GRIK1: variants seen among roughly 807,000 people sequenced by gnomAD.
The protein encoded by GRIK1 is glutamate receptor ionotropic, kainate 1.
Under a neutral mutation model 105.7 loss-of-function variants are expected in GRIK1, and 69 were observed. That is an observed-to-expected ratio of 0.65 (90% CI 0.54 to 0.80). GRIK1 has a LOEUF of 0.80. Among genes scored for constraint, GRIK1 ranks in the 30% least tolerant of loss-of-function variants. The probability of loss-of-function intolerance (pLI) is 0.00; values close to 1 mark genes in which losing one functional copy is unlikely to be tolerated. For synonymous variants in GRIK1, 438 were observed against 431.3 expected, an observed-to-expected ratio of 1.02 and a Z score of -0.19; for missense variants, 1,109 against 1,167.3, an observed-to-expected ratio of 0.95 and a Z score of 0.73.
At chr21:29,643,743 A>G (rs1465775408) in intron 6 of GRIK1, among the ~76,000 whole-genome samples, 1 of 152,212 alleles carries the variant, frequency 6.6e-6, no homozygotes, top group Non-Finnish European at 1.5e-5. Context: ...TAGGGATAAA[A>G]TCTTATAATA....
chr21:29,765,769 G>A (rs1038849639), intron 1 of GRIK1, among the ~76,000 whole-genome samples: 1 of 152,078 alleles, frequency 6.6e-6, no homozygotes, highest in African/African-American at 2.4e-5. Flanking sequence ...GTCCACCTGT[G>A]AGAGCCAGGA....
At chr21:29,730,334 A>C (rs1399836529) in intron 1 of GRIK1, among the ~76,000 whole-genome samples, 1 of 152,208 alleles carries the variant, frequency 6.6e-6, no homozygotes, top group African/African-American at 2.4e-5. Context: ...TAGAATATGC[A>C]TGCAAAACAG....
chr21:29,915,276 T>G (rs2070956633), intron 1 of GRIK1, among the ~76,000 whole-genome samples: 1 of 152,008 alleles, frequency 6.6e-6, no homozygotes. Flanking sequence ...CAGAGCTGAC[T>G]GAATACACTA....
At chr21:29,753,877 T>C (rs1335177220) in intron 1 of GRIK1, among the ~76,000 whole-genome samples, 1 of 152,118 alleles carries the variant, frequency 6.6e-6, no homozygotes, top group African/African-American at 2.4e-5. Flanking sequence ...ATATATAATA[T>C]ATAGTTATGT....
chr21:29,894,178 A>T (rs939085719), intron 1 of GRIK1, among the ~76,000 whole-genome samples: 1 of 152,032 alleles, frequency 6.6e-6, no homozygotes, highest in African/African-American at 2.4e-5. Flanking sequence ...TATGAGATGG[A>T]GTTTATTAAG....
Position 29,848,779 on chromosome 21 carries a change from A to ATATATATATATATATATATATATAT in GRIK1, c.118+90603_118+90604insATATATATATATATATATATATATA. Among the ~76,000 whole-genome samples the ATATATATATATATATATATATATAT allele has an allele frequency of 1.3e-4, 10 of 77,858 alleles. 1 individual carries two copies. The highest frequency in any genetic ancestry group is 5.3e-4 in the African/African-American group (9 of 17,124). 51.1% of individuals were successfully genotyped at this position (77,858 alleles called of 152,430 possible). A position where few individuals can be genotyped will look rare whatever the true frequency, so the allele number is the denominator to read the frequency against. On this transcript the variant is annotated intron_variant, in intron 1 of 17. Transcript: ENST00000327783. ...TGTATATATATATATATATATATAT[A>ATATATATATATATATATATATATAT]TTTTTTTTTTTTTCCACGATCTTCA...
At chr21:29,807,748 C>T (rs1244318918) in intron 1 of GRIK1, among the ~76,000 whole-genome samples, 1 of 152,074 alleles carries the variant, frequency 6.6e-6, no homozygotes, top group East Asian at 1.9e-4. Context: ...TTCATAGAAC[C>T]AGACCCAGCC....
intron 1 of GRIK1, among the ~76,000 whole-genome samples, chr21:29,783,071 C>T (rs893196387): frequency 6.6e-6 from 1 of 152,166 alleles, no homozygotes; most frequent in Admixed American, 6.5e-5. Flanking sequence ...TCCATTTCTT[C>T]CCATTCTTGA....
rs138733559 is a variant in GRIK1 at position 29,865,190 on chromosome 21, C to G, written c.118+74193G>C. ...TAGGTGAGTCAAATAATATTTTAGA[C>G]ATAATGTTATAGTAGCACCATGATT... On this transcript the variant is annotated intron_variant, in intron 1 of 17. Transcript: ENST00000327783. Among the ~76,000 whole-genome samples the G allele has an allele frequency of 2.0e-4, 30 of 152,250 alleles. 1 individual carries two copies. Among genetic ancestry groups the G allele is most frequent in the African/African-American group, 7.2e-4 (30 of 41,550 alleles).
intron 1 of GRIK1, among the ~76,000 whole-genome samples, chr21:29,781,832 G>T (rs1315480522): frequency 6.7e-6 from 1 of 148,810 alleles, no homozygotes; most frequent in Non-Finnish European, 1.5e-5. Context: ...CACCGCGCCC[G>T]GCTAATTTTT....
At chr21:29,573,280 C>T (rs2090799949) in intron 14 of GRIK1, among the ~76,000 whole-genome samples, 1 of 152,160 alleles carries the variant, frequency 6.6e-6, no homozygotes. Flanking sequence ...CAGGAGCCTT[C>T]TCAGAAAATG....
intron 1 of GRIK1, among the ~76,000 whole-genome samples, chr21:29,931,562 T>A (rs576217111): frequency 1.1e-4 from 17 of 152,290 alleles, no homozygotes; most frequent in African/African-American, 4.1e-4. Flanking sequence ...ACTTATTTAT[T>A]TAATCATTTA....
At chr21:29,778,023 C>T (rs1248218240) in intron 1 of GRIK1, among the ~76,000 whole-genome samples, 3 of 152,142 alleles carry the variant, frequency 2.0e-5, no homozygotes, top group Non-Finnish European at 4.4e-5. Flanking sequence ...TGAACTTCAG[C>T]TTCTTCATCA....
intron 1 of GRIK1, among the ~76,000 whole-genome samples, chr21:29,858,770 T>C (rs1216234605): frequency 6.6e-6 from 1 of 151,790 alleles, no homozygotes; most frequent in Non-Finnish European, 1.5e-5. Context: ...CTCATTCTCC[T>C]TGAAGAAGAT....
chr21:29,672,901 T>A (rs2063186100), intron 4 of GRIK1, 82 bp downstream of exon 4: 1 of 957,962 alleles, frequency 1.0e-6, no homozygotes, highest in Non-Finnish European at 1.6e-6. Context: ...TTATGCTGCA[T>A]TAAGTGAAAA....
intron 4 of GRIK1, among the ~76,000 whole-genome samples, chr21:29,660,057 G>C (rs143408702): frequency 6.6e-6 from 1 of 152,292 alleles, no homozygotes; most frequent in East Asian, 1.9e-4. Flanking sequence ...AGGCCCTACT[G>C]TTAACTGTTA....
rs530201414 is a variant in GRIK1, at chr21:29,756,011, C to CA, written c.119-61949dup. Reference sequence around the variant, plus strand: ...GCTTATAAAAACCTCTTAAAGAATGCAAAAAACATTTTTGAGTTATTTAAG... The same window carrying CA: ...GCTTATAAAAACCTCTTAAAGAATGCAAAAAAACATTTTTGAGTTATTTAAG... On this transcript the variant is annotated intron_variant, in intron 1 of 17. Coordinates refer to ENST00000327783, the MANE Select transcript of GRIK1 (RefSeq NM_001330994.2). Among the ~76,000 whole-genome samples, 246 of 152,152 alleles carry CA rather than the reference C, an allele frequency of 1.6e-3. 1 individual carries two copies. Among genetic ancestry groups the CA allele is most frequent in the Non-Finnish European group, 2.4e-3 (160 of 67,984 alleles).
intron 1 of GRIK1, among the ~76,000 whole-genome samples, chr21:29,720,178 T>C (rs1011543403): frequency 1.1e-4 from 16 of 152,226 alleles, no homozygotes; most frequent in African/African-American, 3.9e-4. Context: ...TGAATCACTA[T>C]TGTTAGACCA....
At chr21:29,840,556 T>C (rs992859330) in intron 1 of GRIK1, among the ~76,000 whole-genome samples, 9 of 152,172 alleles carry the variant, frequency 5.9e-5, no homozygotes, top group African/African-American at 2.2e-4. Flanking sequence ...TATTGCAGGC[T>C]TGAGAAATCA....
Sources: allele counts gnomAD v4.1 joint callset (sites outside exome capture counted in the v4.1 genomes callset), GRCh38; gene constraint gnomAD v4.1.1; transcripts MANE v1.5; gene names NCBI Gene and HGNC (gene_info 2026-07-23, HGNC 2026-07-21).